CSMD3: variants seen among roughly 807,000 people sequenced by gnomAD.
CSMD3 encodes the protein CUB and Sushi multiple domains 3.
CSMD3 carries 177 observed loss-of-function variants against 435.2 expected under a neutral mutation model. The observed-to-expected ratio is 0.41, with a 90% CI of 0.36 to 0.46. CSMD3 has a LOEUF of 0.46. Ranked by LOEUF, CSMD3 falls within the 20% of genes least tolerant of loss-of-function variation. CSMD3 has a pLI of 0.34. For missense variants in CSMD3, 4,265 were observed against 4,504.6 expected (o/e 0.95, Z 1.52); for synonymous variants, 1,656 against 1,520.5 (o/e 1.09, Z -2.07).
intron 1 of CSMD3, among the ~76,000 whole-genome samples, chr8:113,391,565 T>C (rs2094461281): frequency 6.6e-6 from 1 of 152,020 alleles, no homozygotes; most frequent in Non-Finnish European, 1.5e-5. Flanking sequence ...AATTAGTAAA[T>C]AGATCTCTTG....
intron 10 of CSMD3, among the ~76,000 whole-genome samples, chr8:112,911,640 T>G (rs935027293): frequency 8.6e-5 from 3 of 34,730 alleles, no homozygotes; most frequent in Non-Finnish European, 1.4e-4. Flanking sequence ...TGTACATATA[T>G]ATGTGTGTGT....
rs181696942 is a variant in CSMD3, at chr8:112,442,862, C to A, written c.5395+29729G>T. 1.3e-4 allele frequency among the ~76,000 whole-genome samples: 20 copies of A among 152,292 alleles called. No individual in the cohort carries two copies. The East Asian group carries it at 3.7e-3, about 28-fold the overall frequency. Reference sequence around the variant, plus strand: ...TACAAGTGAGTCAGATTCAAACATGCAGACAAGGCCAACAGCCTGGCCTAA... The same window carrying A: ...TACAAGTGAGTCAGATTCAAACATGAAGACAAGGCCAACAGCCTGGCCTAA... On this transcript the variant is annotated intron_variant, in intron 32 of 70. Coordinates refer to ENST00000297405, the MANE Select transcript of CSMD3 (RefSeq NM_198123.2).
chr8:112,633,555 T>C (rs2074575554), intron 22 of CSMD3, among the ~76,000 whole-genome samples: 1 of 152,102 alleles, frequency 6.6e-6, no homozygotes, highest in Admixed American at 6.6e-5. Flanking sequence ...TATTATGGTA[T>C]TATTACATTT....
At chr8:112,550,484 C>T (rs901665778) in intron 27 of CSMD3, among the ~76,000 whole-genome samples, 187 bp downstream of exon 27, 10 of 151,682 alleles carry the variant, frequency 6.6e-5, no homozygotes, top group Non-Finnish European at 1.5e-4. Flanking sequence ...AATCAATATT[C>T]AAAGTTAGTT....
chr8:113,027,697 C>T (rs1015443296), intron 5 of CSMD3, among the ~76,000 whole-genome samples: 2 of 152,054 alleles, frequency 1.3e-5, no homozygotes, highest in African/African-American at 2.4e-5. Flanking sequence ...CTATAGTAAG[C>T]TTTATTTCCT....
At chr8:112,924,219 TAAGCGGCCAA>T (rs937192749) in intron 9 of CSMD3, among the ~76,000 whole-genome samples, 3 of 152,106 alleles carry the variant, frequency 2.0e-5, no homozygotes, top group Non-Finnish European at 2.9e-5. Flanking sequence ...GGATACAATT[TAAGCGGCCAA>T]AGATAGAAGC....
intron 22 of CSMD3, among the ~76,000 whole-genome samples, chr8:112,593,644 G>A (rs1003411606): frequency 1.3e-5 from 2 of 152,094 alleles, no homozygotes; most frequent in Admixed American, 6.6e-5. Context: ...ATTGAGAAGA[G>A]AAGCAAAATA....
intron 13 of CSMD3, among the ~76,000 whole-genome samples, chr8:112,785,308 A>G (rs2078508792): frequency 6.6e-6 from 1 of 151,962 alleles, no homozygotes; most frequent in South Asian, 2.1e-4. Flanking sequence ...GTATAATACT[A>G]AATAGGAAAA....
At chr8:112,885,873 G>A (rs1232083396) in intron 10 of CSMD3, among the ~76,000 whole-genome samples, 2 of 151,720 alleles carry the variant, frequency 1.3e-5, no homozygotes, top group African/African-American at 4.8e-5. Flanking sequence ...TAGGAAGACA[G>A]AGTTTCACTA....
intron 42 of CSMD3, among the ~76,000 whole-genome samples, chr8:112,339,344 A>T (rs1467548643): frequency 1.3e-5 from 2 of 151,950 alleles, no homozygotes; most frequent in Admixed American, 1.3e-4. Flanking sequence ...TTCAGATCAG[A>T]CTGATTGCGG....
chr8:112,303,823 C>T (rs992445546), intron 52 of CSMD3, among the ~76,000 whole-genome samples: 8 of 152,082 alleles, frequency 5.3e-5, no homozygotes, highest in Admixed American at 3.9e-4. Flanking sequence ...CGTTAAACTT[C>T]TTAATCATAA....
At chr8:112,899,852 CAGAG>C (rs1166566767) in intron 10 of CSMD3, among the ~76,000 whole-genome samples, 1 of 147,288 alleles carries the variant, frequency 6.8e-6, no homozygotes, top group Admixed American at 6.8e-5. Context: ...GAGAGAGAGT[CAGAG>C]AGAGAGAGAC....
At chr8:113,417,362 A>T (rs1284802754) in intron 1 of CSMD3, among the ~76,000 whole-genome samples, 1 of 152,024 alleles carries the variant, frequency 6.6e-6, no homozygotes, top group Non-Finnish European at 1.5e-5. Context: ...AACTCTCACA[A>T]TTTAAATATA....
At chr8:112,274,625 G>C (rs1044881484) in intron 59 of CSMD3, among the ~76,000 whole-genome samples, 14 of 152,076 alleles carry the variant, frequency 9.2e-5, no homozygotes, top group African/African-American at 3.4e-4. Context: ...GAGCTGACAT[G>C]GGGCCAGGAA....
intron 19 of CSMD3, 106 bp from the exon 20 acceptor site, chr8:112,645,331 A>C (rs536440208): frequency 2.7e-6 from 2 of 750,264 alleles, no homozygotes; most frequent in African/African-American, 1.7e-5. Context: ...ATCTTTGCTT[A>C]TGCTACCTCC....
chr8:112,772,118 G>C (rs2078132934), intron 13 of CSMD3, among the ~76,000 whole-genome samples: 1 of 151,466 alleles, frequency 6.6e-6, no homozygotes. Context: ...AAATTATAAG[G>C]GGCTCAAGGT....
chr8:112,260,719 C>T (rs1308356107), intron 61 of CSMD3, among the ~76,000 whole-genome samples: 1 of 152,026 alleles, frequency 6.6e-6, no homozygotes, highest in African/African-American at 2.4e-5. Context: ...AGATGACCTC[C>T]TCCATGAGTC....
chr8:112,435,387 T>A (rs1378898764), intron 32 of CSMD3, among the ~76,000 whole-genome samples: 1 of 152,060 alleles, frequency 6.6e-6, no homozygotes, highest in East Asian at 1.9e-4. Context: ...AATTGACACT[T>A]AGAATTAAGT....
intron 2 of CSMD3, among the ~76,000 whole-genome samples, chr8:113,298,778 G>T (rs2093741076): frequency 1.3e-5 from 2 of 152,056 alleles, no homozygotes; most frequent in South Asian, 4.1e-4. Context: ...AGAGTTCAAG[G>T]TCTGGCTAGA....
Sources: gnomAD v4.1 joint callset for allele counts (sites outside exome capture counted in the v4.1 genomes callset) on GRCh38, gnomAD v4.1.1 for gene constraint, MANE v1.5 for transcripts, NCBI Gene and HGNC (gene_info 2026-07-23, HGNC 2026-07-21) for gene names.